Variants in TMEM235 observed in about 807,000 individuals in gnomAD.
TMEM235 encodes claudin-27.
Under a neutral mutation model 22.9 loss-of-function variants are expected in TMEM235, and 23 were observed. The observed-to-expected ratio is 1.00, with a 90% CI of 0.72 to 1.42. The LOEUF is 1.42. Ranked by LOEUF, TMEM235 falls within the 40% of genes most tolerant of loss-of-function variation. TMEM235 has a pLI of 0.00. For missense variants in TMEM235, 308 were observed against 299.5 expected (o/e 1.03, Z -0.21); for synonymous variants, 137 against 140.5 (o/e 0.98, Z 0.17).
chr17:78,234,616 G>T, exon 4 of TMEM235: 2 of 1,536,182 alleles, frequency 1.3e-6, no homozygotes, highest in South Asian at 2.4e-5. Flanking sequence ...AGTCATTGTG[G>T]TCCTGCCCCT....
At chr17:78,239,982 A>C in exon 6 of TMEM235, 2 of 1,546,654 alleles carry the variant, frequency 1.3e-6, no homozygotes, top group Middle Eastern at 1.8e-4. Context: ...TGAGCGATCC[A>C]GATGTACCCC....
At position 78,239,004 on chromosome 17, in the gene TMEM235, C is replaced by A; in HGVS notation, c.410-20C>A. On this transcript the variant is annotated intron_variant, in intron 4 of 5. Coordinates refer to ENST00000421688, the Ensembl canonical transcript of TMEM235. ...GCTAGAGCAGACACCGAGCAGCTGC[C>A]CTCCCCATCTCTCCCCCAGGTGTCC... is the stretch of plus-strand genomic sequence containing the variant. 6.5e-7 allele frequency: 1 copy of A among 1,529,332 alleles called. No individual in the cohort carries two copies. The highest frequency in any genetic ancestry group is 8.8e-7 in the Non-Finnish European group (1 of 1,138,218). 94.7% of individuals were successfully genotyped at this position (1,529,332 alleles called of 1,614,324 possible).
rs55893266 is a variant in TMEM235, at chr17:78,238,550, C to CTG, written c.410-439_410-438dup. ...GCTGCTGCCAGCAGAGGCCATGGCTCTGTGTGTGTGTGTGTGTGTGTGTGT... is the reference window on the plus strand; with the variant it reads ...GCTGCTGCCAGCAGAGGCCATGGCTCTGTGTGTGTGTGTGTGTGTGTGTGTGT... On this transcript the variant is annotated intron_variant, in intron 4 of 5. Transcript: ENST00000421688. The surrounding 1 kb of genome is among the most constrained non-coding windows in gnomAD (Gnocchi z 4.3). 0.066 allele frequency among the ~76,000 whole-genome samples: 9,084 copies of CTG among 138,170 alleles called. 314 individuals carry two copies. Among genetic ancestry groups the CTG allele is most frequent in the South Asian group, 0.09 (350 of 3,900 alleles). The allele number at this position is 138,170 out of a possible 152,430, so 90.6% of individuals were successfully genotyped here. A position where few individuals can be genotyped will look rare whatever the true frequency, so the allele number is the denominator to read the frequency against.
chr17:78,231,704 G>C, exon 2 of TMEM235: 1 of 1,276,098 alleles, frequency 7.8e-7, no homozygotes. Context: ...GGGAAATTAA[G>C]GAACGTGCCC....
chr17:78,239,872 C>G (rs1599048739), exon 6 of TMEM235: 2 of 1,551,542 alleles, frequency 1.3e-6, no homozygotes, highest in East Asian at 4.9e-5. Context: ...TCCCTGGCCT[C>G]TGTTCTGTCC....
rs1261456583 is a variant in TMEM235 at position 78,234,746 on chromosome 17, T to C, written c.409+16T>C. The C allele has an allele frequency of 6.5e-7, 1 of 1,535,952 alleles. No individual in the cohort carries two copies. Among genetic ancestry groups the C allele is most frequent in the Non-Finnish European group, 8.7e-7 (1 of 1,146,792 alleles). ...CTGCTGGGGAGTGAGTCTGGGGCCC[T>C]GGGGGAATGGCTCCAAAGATGGGAG... On this transcript the variant is annotated intron_variant, in intron 4 of 5. Coordinates refer to ENST00000421688, the Ensembl canonical transcript of TMEM235.
chr17:78,236,239 G>A (rs1049196766), intron 4 of TMEM235, among the ~76,000 whole-genome samples: 8 of 152,100 alleles, frequency 5.3e-5, no homozygotes, highest in South Asian at 2.1e-4. Context: ...CATGCGGGGG[G>A]GCCTGGGGCC....
chr17:78,232,948 AGT>A lies in TMEM235; in HGVS notation c.190+741_190+742del, dbSNP rs201593525. Among the ~76,000 whole-genome samples the A allele has an allele frequency of 6.2e-3, 946 of 152,086 alleles. 7 individuals are homozygous for A. Among genetic ancestry groups the A allele is most frequent in the Non-Finnish European group, 8.0e-3 (545 of 67,986 alleles). The stretch of plus-strand genomic sequence containing the variant: ...GTAGTTGTGTGTGCATGTGAATATG[AGT>A]GTGTGAGCATGTCAGTGTGCATGTG... On this transcript the variant is annotated intron_variant, in intron 2 of 5. Transcript: ENST00000421688.
intron 4 of TMEM235, among the ~76,000 whole-genome samples, chr17:78,235,532 C>T (rs2076632867): frequency 6.6e-6 from 1 of 151,744 alleles, no homozygotes; most frequent in Non-Finnish European, 1.5e-5. Context: ...GGTAATCCAC[C>T]TGCCTCAGCC....
In TMEM235 at chr17:78,238,102, G is replaced by C. The variant is rs986356287; in HGVS notation, c.410-922G>C. 2.0e-5 allele frequency among the ~76,000 whole-genome samples: 3 copies of C among 152,238 alleles called. No homozygotes were observed. The highest frequency in any genetic ancestry group is 4.4e-5 in the Non-Finnish European group (3 of 68,032). On this transcript the variant is annotated intron_variant, in intron 4 of 5. Coordinates refer to ENST00000421688, the Ensembl canonical transcript of TMEM235. The surrounding 1 kb of genome is among the most constrained non-coding windows in gnomAD (Gnocchi z 4.3). ...TAACATTCCCTACAGTCGGCGCCAAGGACAGGCTTTCTCATCAGCCTGAAG... is the reference window on the plus strand; with the variant it reads ...TAACATTCCCTACAGTCGGCGCCAACGACAGGCTTTCTCATCAGCCTGAAG...
chr17:78,233,539 C>CA (rs1435353231), intron 2 of TMEM235, among the ~76,000 whole-genome samples: 1 of 151,964 alleles, frequency 6.6e-6, no homozygotes, highest in Non-Finnish European at 1.5e-5. Flanking sequence ...ACTAAAAATA[C>CA]AAAAAATTAG....
chr17:78,231,986 T>G, exon 2 of TMEM235: 1 of 950,164 alleles, frequency 1.1e-6, no homozygotes, highest in Non-Finnish European at 1.2e-6. Context: ...CCCGGGGCCC[T>G]GCTACCCCCG....
At chr17:78,232,608 G>C (rs1349075230) in intron 2 of TMEM235, among the ~76,000 whole-genome samples, 2 of 152,214 alleles carry the variant, frequency 1.3e-5, no homozygotes, top group African/African-American at 4.8e-5. Context: ...TGTCAGAGCT[G>C]TTCACCCCAC....
At chr17:78,232,185 G>T in exon 2 of TMEM235, 1 of 1,489,824 alleles carries the variant, frequency 6.7e-7, no homozygotes, top group Non-Finnish European at 8.9e-7. Flanking sequence ...TGCTCTCCTC[G>T]CACTCGGGGC....
chr17:78,232,080 C>T (rs2076587751), exon 2 of TMEM235: 4 of 1,458,936 alleles, frequency 2.7e-6, no homozygotes, highest in Non-Finnish European at 3.6e-6. Flanking sequence ...TGCTCAGCTT[C>T]GCGCTCCTGG....
rs560664079 is a variant in TMEM235, at chr17:78,232,277, C to G, written c.190+64C>G. On this transcript the variant is annotated intron_variant, in intron 2 of 5. Transcript: ENST00000421688. ...CTCGTCCCTCCGACACCCCCTTAACCCCGCCCTGCTCGTGTTGCCCCGCCA... is the reference window on the plus strand; with the variant it reads ...CTCGTCCCTCCGACACCCCCTTAACGCCGCCCTGCTCGTGTTGCCCCGCCA... 2.2e-4 allele frequency: 303 copies of G among 1,355,322 alleles called. 1 individual carries two copies. The African/African-American group carries it at 3.4e-3, about 15-fold the overall frequency. 84.0% of individuals were successfully genotyped at this position (1,355,322 alleles called of 1,614,324 possible).
chr17:78,236,538 G>A (rs2076646015), intron 4 of TMEM235, among the ~76,000 whole-genome samples: 1 of 152,212 alleles, frequency 6.6e-6, no homozygotes, highest in Non-Finnish European at 1.5e-5. Flanking sequence ...GCCTGGAGAG[G>A]GCCGAGGGCC....
At chr17:78,235,297 T>A (rs1008621102) in intron 4 of TMEM235, among the ~76,000 whole-genome samples, 1 of 150,670 alleles carries the variant, frequency 6.6e-6, no homozygotes, top group African/African-American at 2.4e-5. Context: ...ACACTTTTTT[T>A]TTTTTTTGAG....
At position 78,237,733 on chromosome 17, in the gene TMEM235, G is replaced by A. The variant is rs79048763; in HGVS notation, c.410-1291G>A. Among the ~76,000 whole-genome samples the A allele has an allele frequency of 0.013, 2,010 of 152,128 alleles. 39 individuals carry two copies. Among genetic ancestry groups the A allele is most frequent in the African/African-American group, 0.045 (1,865 of 41,504 alleles). ...CCCACCCCTGCTTCTCCCAGGGACC[G>A]CTTCATTCAATTTGGCTTCACATTC... On this transcript the variant is annotated intron_variant, in intron 4 of 5. Transcript: ENST00000421688. This position sits in a 1 kb window ranked among gnomAD's most constrained non-coding sequence, Gnocchi z 4.7.
Sources: allele counts gnomAD v4.1 joint callset (sites outside exome capture counted in the v4.1 genomes callset), GRCh38; gene constraint gnomAD v4.1.1; non-coding constraint Gnocchi (gnomAD v3.1); transcripts MANE v1.5; gene names NCBI Gene and HGNC (gene_info 2026-07-23, HGNC 2026-07-21).